The following NHS variants were observed in gnomAD, a reference collection of about 807,000 sequenced individuals.
NHS encodes actin remodeling regulator NHS.
NHS carries 5 observed loss-of-function variants against 72.5 expected under a neutral mutation model. The ratio of observed to expected loss-of-function variants is 0.07; its 90% CI spans 0.04 to 0.14. The LOEUF (loss-of-function observed/expected upper bound fraction) is 0.14, where lower values mean the gene tolerates loss of function less well. Ranked by LOEUF, NHS falls within the 10% of genes least tolerant of loss-of-function variation. The pLI is 1.00. For missense variants in NHS, 1,072 were observed against 1,355.7 expected, an observed-to-expected ratio of 0.79 and a Z score of 3.29; for synonymous variants, 464 against 547.7, an observed-to-expected ratio of 0.85 and a Z score of 2.13.
chrX:17,627,860 C>T (rs138569164), intron 1 of NHS, among the ~76,000 whole-genome samples: 110 of 112,549 alleles, frequency 9.8e-4, no homozygotes, highest in Admixed American at 3.2e-3. Flanking sequence ...TGGCTGATGC[C>T]TCTAGTTTTA....
chrX:17,446,407 G>A, intron 1 of NHS, among the ~76,000 whole-genome samples: 1 of 110,825 alleles, frequency 9.0e-6, no homozygotes, highest in East Asian at 2.8e-4. Flanking sequence ...AAGTGAAAAT[G>A]GTTTGTTCCT....
At chrX:17,428,165 C>G (rs1020824152) in intron 1 of NHS, among the ~76,000 whole-genome samples, 3 of 112,413 alleles carry the variant, frequency 2.7e-5, no homozygotes, top group African/African-American at 9.7e-5. Context: ...AAAGTCATTT[C>G]TTATTGTCAA....
intron 3 of NHS, among the ~76,000 whole-genome samples, chrX:17,703,643 G>C (rs2066279229): frequency 8.9e-6 from 1 of 112,453 alleles, no homozygotes; most frequent in African/African-American, 3.2e-5. Flanking sequence ...CAATACATTT[G>C]ATGCTTTAGA....
chrX:17,376,465 C>T, intron 1 of NHS, 143 bp downstream of exon 1: 1 of 562,122 alleles, frequency 1.8e-6, no homozygotes, highest in Admixed American at 2.8e-5. Context: ...CCACCCTTCC[C>T]ATCCCCTGGG....
chrX:17,723,112 T>C (rs1307729254), intron 5 of NHS, among the ~76,000 whole-genome samples: 2 of 112,286 alleles, frequency 1.8e-5, no homozygotes, highest in Non-Finnish European at 3.8e-5. Flanking sequence ...ATTCCATTAG[T>C]AAGAATTCTC....
At chrX:17,429,581 G>A (rs2064677533) in intron 1 of NHS, among the ~76,000 whole-genome samples, 1 of 111,365 alleles carries the variant, frequency 9.0e-6, no homozygotes, top group African/African-American at 3.3e-5. Flanking sequence ...AGAAAAATAA[G>A]CAAATGTTTG....
intron 1 of NHS, among the ~76,000 whole-genome samples, chrX:17,644,917 T>G (rs759035901): frequency 9.0e-6 from 1 of 111,073 alleles, no homozygotes; most frequent in Non-Finnish European, 1.9e-5. Flanking sequence ...AGGTATAAAA[T>G]AGCGTCTCTC....
rs184011188 is a variant in NHS, at chrX:17,596,359, A to G, written c.566-91383A>G. ...CAATCTCTTTGCTTGCTTGTCTACA[A>G]TGCAGCCAATGGGACTAATTCAAAT... is the stretch of plus-strand genomic sequence containing the variant. On this transcript the variant is annotated intron_variant, in intron 1 of 8. Transcript: ENST00000676302. 1.2e-4 allele frequency among the ~76,000 whole-genome samples: 14 copies of G among 112,250 alleles called. No homozygotes were observed. The East Asian group carries it at 3.7e-3, about 29-fold the overall frequency.
chrX:17,473,141 C>T (rs2064899367), intron 1 of NHS, among the ~76,000 whole-genome samples: 1 of 111,719 alleles, frequency 9.0e-6, no homozygotes, highest in African/African-American at 3.3e-5. Flanking sequence ...AAAATGAGAA[C>T]CCAACTTAGT....
chrX:17,701,782 G>T (rs2066265942), intron 3 of NHS, among the ~76,000 whole-genome samples: 2 of 111,113 alleles, frequency 1.8e-5, no homozygotes, highest in Admixed American at 1.9e-4. Flanking sequence ...GCTGTGTGCA[G>T]TTGCTGTGTT....
intron 1 of NHS, among the ~76,000 whole-genome samples, chrX:17,511,806 CT>C (rs1392309226): frequency 9.0e-6 from 1 of 111,348 alleles, no homozygotes; most frequent in Non-Finnish European, 1.9e-5. Flanking sequence ...CTATTTACAT[CT>C]CATTGCCTTC....
intron 1 of NHS, among the ~76,000 whole-genome samples, chrX:17,495,583 T>G: frequency 8.9e-6 from 1 of 111,774 alleles, no homozygotes; most frequent in Non-Finnish European, 1.9e-5. Context: ...TTAGGAAGGT[T>G]GTATAAATGT....
chrX:17,534,710 C>T (rs1389280235), intron 1 of NHS, among the ~76,000 whole-genome samples: 1 of 111,924 alleles, frequency 8.9e-6, no homozygotes, highest in Non-Finnish European at 1.9e-5. Flanking sequence ...TTTCCACAGG[C>T]CCTGGTTGTT....
At chrX:17,541,478 A>C (rs1569277044) in intron 1 of NHS, among the ~76,000 whole-genome samples, 1 of 112,047 alleles carries the variant, frequency 8.9e-6, no homozygotes, top group Non-Finnish European at 1.9e-5. Context: ...GTGGTGATAC[A>C]GCCCACTCTG....
chrX:17,403,648 A>G (rs1168554741), intron 1 of NHS, among the ~76,000 whole-genome samples: 1 of 112,461 alleles, frequency 8.9e-6, no homozygotes, highest in Non-Finnish European at 1.9e-5. Context: ...TTCAAAGGGG[A>G]GCAGGAGATG....
At chrX:17,432,950 T>C (rs2064700675) in intron 1 of NHS, among the ~76,000 whole-genome samples, 1 of 112,203 alleles carries the variant, frequency 8.9e-6, no homozygotes, top group Non-Finnish European at 1.9e-5. Flanking sequence ...CAGGTTGATA[T>C]TAAAGTTTTA....
chrX:17,432,712 A>G lies in NHS; in HGVS notation c.565+56390A>G, dbSNP rs986131209. ...GGTAAATAATTCATCCCCTTTGGAAACAATGTTCTTAAACCATTAAATTGC... is the reference window on the plus strand; with the variant it reads ...GGTAAATAATTCATCCCCTTTGGAAGCAATGTTCTTAAACCATTAAATTGC... On this transcript the variant is annotated intron_variant, in intron 1 of 8. Transcript: ENST00000676302. Among the ~76,000 whole-genome samples, 4 of 111,440 alleles carry G rather than the reference A, an allele frequency of 3.6e-5. No individual in the cohort carries two copies. In the Admixed American group the frequency reaches 3.8e-4, roughly 11 times the overall value.
intron 1 of NHS, among the ~76,000 whole-genome samples, chrX:17,602,196 C>CAACA (rs755874607): frequency 1.3e-4 from 14 of 110,440 alleles, no homozygotes; most frequent in South Asian, 3.9e-4. Flanking sequence ...ACAACAACAA[C>CAACA]AACAAACAAA....
intron 1 of NHS, among the ~76,000 whole-genome samples, chrX:17,605,658 A>G (rs2065675000): frequency 9.0e-6 from 1 of 110,844 alleles, no homozygotes; most frequent in African/African-American, 3.3e-5. Flanking sequence ...AAGGAGCGCC[A>G]TTCCTCTTAG....
Sources: gnomAD v4.1 joint callset for allele counts (sites outside exome capture counted in the v4.1 genomes callset) on GRCh38, gnomAD v4.1.1 for gene constraint, MANE v1.5 for transcripts, NCBI Gene and HGNC (gene_info 2026-07-23, HGNC 2026-07-21) for gene names.